Variants in COL5A2 observed in about 807,000 individuals in gnomAD.
COL5A2 encodes collagen type V alpha 2 chain, also known as collagen alpha-2(V) chain.
COL5A2 carries 23 observed loss-of-function variants against 208.2 expected under a neutral mutation model. The observed-to-expected ratio is 0.11, with a 90% CI of 0.08 to 0.16. The LOEUF is 0.16. Ranked by LOEUF, COL5A2 falls within the 10% of genes least tolerant of loss-of-function variation. COL5A2 has a pLI of 1.00. For missense variants in COL5A2, 1,590 were observed against 1,956.4 expected (o/e 0.81, Z 3.53); for synonymous variants, 625 against 628.5 (o/e 0.99, Z 0.08).
At chr2:189,092,465 C>G (rs1320012806) in intron 6 of COL5A2, 45 bp from the exon 7 acceptor site, 1 of 1,177,440 alleles carries the variant, frequency 8.5e-7, no homozygotes, top group Admixed American at 2.0e-5. Context: ...GCCAAATATA[C>G]ACTTAGTAGA....
the COL5A2 span, among the ~76,000 whole-genome samples, chr2:189,308,437 T>C: frequency 6.6e-6 from 1 of 151,848 alleles, no homozygotes; most frequent in Admixed American, 6.6e-5. Flanking sequence ...TACCCCAAAA[T>C]ACATTTCTTC....
chr2:189,373,353 A>T, the COL5A2 span, among the ~76,000 whole-genome samples: 2 of 152,314 alleles, frequency 1.3e-5, no homozygotes, highest in South Asian at 2.1e-4. Context: ...TATGCCACAA[A>T]CTAGGGTAAT....
chr2:189,052,091 AAAT>A (rs1436438437), intron 41 of COL5A2, 78 bp downstream of exon 41: 2 of 1,171,760 alleles, frequency 1.7e-6, no homozygotes, highest in Non-Finnish European at 2.5e-6. Context: ...AAATTAAATA[AAAT>A]AATAAATTTA....
the COL5A2 span, among the ~76,000 whole-genome samples, chr2:189,316,226 T>A: frequency 6.6e-6 from 1 of 152,140 alleles, no homozygotes; most frequent in African/African-American, 2.4e-5. Flanking sequence ...CCATCAATGA[T>A]AGACTGGATA....
the COL5A2 span, among the ~76,000 whole-genome samples, chr2:189,301,451 TG>T: frequency 1.3e-5 from 2 of 152,192 alleles, no homozygotes; most frequent in African/African-American, 4.8e-5. Context: ...TTACCAAATT[TG>T]TATGTGTTTA....
chr2:189,371,269 G>A, the COL5A2 span, among the ~76,000 whole-genome samples: 87 of 152,140 alleles, frequency 5.7e-4, no homozygotes, highest in African/African-American at 7.2e-4. Context: ...AAATTATCCC[G>A]TCAGGTATTC....
At chr2:189,068,379 T>C in intron 19 of COL5A2, 109 bp from the exon 20 acceptor site, 1 of 988,478 alleles carries the variant, frequency 1.0e-6, no homozygotes, top group Non-Finnish European at 1.6e-6. Flanking sequence ...GAAGCATTTT[T>C]TAAAAATCAA....
At chr2:189,192,513 T>G (rs895193756) in intron 1 of COL5A2, among the ~76,000 whole-genome samples, 4 of 152,220 alleles carry the variant, frequency 2.6e-5, no homozygotes, top group African/African-American at 9.6e-5. Context: ...TTCCAAGTAT[T>G]GTTACAGGAA....
At chr2:189,080,097 C>A in intron 13 of COL5A2, 66 bp from the exon 14 acceptor site, 2 of 1,205,138 alleles carry the variant, frequency 1.7e-6, no homozygotes, top group Non-Finnish European at 2.4e-6. Flanking sequence ...GCATAAGAAC[C>A]AAAAATAAGC....
chr2:189,377,690 A>T, the COL5A2 span, among the ~76,000 whole-genome samples: 1 of 152,190 alleles, frequency 6.6e-6, no homozygotes, highest in Non-Finnish European at 1.5e-5. Context: ...ACAATCTTGC[A>T]ACTTCTGTAT....
the COL5A2 span, among the ~76,000 whole-genome samples, chr2:189,434,089 T>C: frequency 2.2e-4 from 34 of 152,174 alleles, no homozygotes; most frequent in African/African-American, 7.7e-4. Context: ...AACCACATGA[T>C]CTCAATAGAC....
chr2:189,178,234 T>C lies in COL5A2; in HGVS notation c.97+1274A>G, dbSNP rs536914595. Among the ~76,000 whole-genome samples, 4 of 152,308 alleles carry C rather than the reference T, an allele frequency of 2.6e-5. No individual in the cohort carries two copies. The South Asian group carries it at 6.2e-4, about 24-fold the overall frequency. ...GAAAGTGCCCCCTCTATGGGACTCC[T>C]GACAGATTGTTGGATATTCATTTAC... On this transcript the variant is annotated intron_variant, in intron 1 of 53. Transcript: ENST00000374866.
At chr2:189,281,613 T>C in the COL5A2 span, among the ~76,000 whole-genome samples, 1 of 152,198 alleles carries the variant, frequency 6.6e-6, no homozygotes, top group Non-Finnish European at 1.5e-5. Flanking sequence ...CTCTCTATGA[T>C]CAGAATGATT....
chr2:189,208,548 T>G (rs972409493), intron 1 of COL5A2, among the ~76,000 whole-genome samples: 1 of 152,174 alleles, frequency 6.6e-6, no homozygotes, highest in Non-Finnish European at 1.5e-5. Context: ...AAGGTCATGG[T>G]GCAGAAGGGA....
chr2:189,423,643 G>C, the COL5A2 span, among the ~76,000 whole-genome samples: 1 of 152,068 alleles, frequency 6.6e-6, no homozygotes, highest in Admixed American at 6.5e-5. Context: ...TAAATTCCTT[G>C]ACACATACAA....
rs149544903 is a variant in COL5A2 at position 189,224,460 on chromosome 2, G to A, written c.-42+688C>T. 4.4e-3 allele frequency among the ~76,000 whole-genome samples: 667 copies of A among 152,062 alleles called. 6 individuals carry two copies. The highest frequency in any genetic ancestry group is 7.6e-3 in the Admixed American group (116 of 15,276). ...TCCCAGTACCTTGGGAGGCTGAGGC[G>A]GGCGGATTTCTGGAGGTCAGGAATT... On this transcript the variant is annotated intron_variant, in intron 1 of 10. Coordinates refer to the COL5A2 transcript ENST00000649966.
At chr2:189,073,172 C>T (rs1010342138) in intron 17 of COL5A2, among the ~76,000 whole-genome samples, 1 of 152,072 alleles carries the variant, frequency 6.6e-6, no homozygotes, top group Admixed American at 6.6e-5. Flanking sequence ...CCACGTTGAT[C>T]ATGAATATTT....
the COL5A2 span, among the ~76,000 whole-genome samples, chr2:189,249,478 G>T: frequency 6.6e-6 from 1 of 152,090 alleles, no homozygotes; most frequent in Non-Finnish European, 1.5e-5. Context: ...GTCATTAAGG[G>T]ATTTGAGTAT....
At chr2:189,104,908 T>C (rs960030504) in intron 2 of COL5A2, among the ~76,000 whole-genome samples, 2 of 151,810 alleles carry the variant, frequency 1.3e-5, no homozygotes, top group Admixed American at 6.6e-5. Context: ...ATAGTTTCTT[T>C]ATTGTTTTTC....
Sources: gnomAD v4.1 joint callset for allele counts (sites outside exome capture counted in the v4.1 genomes callset) on GRCh38, gnomAD v4.1.1 for gene constraint, MANE v1.5 for transcripts, NCBI Gene and HGNC (gene_info 2026-07-23, HGNC 2026-07-21) for gene names.